Variants in HECW1 observed in about 807,000 individuals in gnomAD.
HECW1 encodes HECT, C2 and WW domain containing E3 ubiquitin protein ligase 1, also known as E3 ubiquitin-protein ligase HECW1.
In HECW1, 61 loss-of-function variants were observed where a neutral mutation model predicts 182.3. The ratio of observed to expected loss-of-function variants is 0.33; its 90% CI spans 0.27 to 0.41. The LOEUF (loss-of-function observed/expected upper bound fraction) is 0.41, where lower values mean the gene tolerates loss of function less well. Among genes scored for constraint, HECW1 ranks in the 10% least tolerant of loss-of-function variants. The pLI is 1.00. For missense variants in HECW1, 1,739 were observed against 2,108.9 expected, an observed-to-expected ratio of 0.82 and a Z score of 3.44; for synonymous variants, 859 against 832.6, an observed-to-expected ratio of 1.03 and a Z score of -0.55.
chr7:43,180,129 C>A (rs1792677527), intron 2 of HECW1, among the ~76,000 whole-genome samples: 1 of 139,516 alleles, frequency 7.2e-6, no homozygotes, highest in Non-Finnish European at 1.6e-5. Context: ...ATGCACTTTG[C>A]AGAGCCTAAA....
intron 2 of HECW1, among the ~76,000 whole-genome samples, chr7:43,158,668 C>G (rs1035127870): frequency 1.3e-5 from 2 of 152,162 alleles, no homozygotes; most frequent in African/African-American, 4.8e-5. Context: ...CCCTCCAATC[C>G]CATCCCCTCC....
intron 8 of HECW1, among the ~76,000 whole-genome samples, chr7:43,417,993 T>G (rs1280115709): frequency 2.0e-5 from 3 of 152,194 alleles, no homozygotes; most frequent in Non-Finnish European, 4.4e-5. Flanking sequence ...AATGAAGGTG[T>G]GGGCAGAGTT....
intron 4 of HECW1, among the ~76,000 whole-genome samples, chr7:43,315,288 A>C (rs1809065169): frequency 1.3e-5 from 2 of 152,112 alleles, no homozygotes; most frequent in Non-Finnish European, 2.9e-5. Flanking sequence ...GTGTCCAAAG[A>C]AACAATATGA....
At chr7:43,354,153 TTACAAA>T (rs1158365074) in intron 5 of HECW1, among the ~76,000 whole-genome samples, 6 of 145,886 alleles carry the variant, frequency 4.1e-5, no homozygotes, top group Non-Finnish European at 9.0e-5. Context: ...AACAGGTAAA[TTACAAA>T]GAATCTCTAC....
intron 7 of HECW1, among the ~76,000 whole-genome samples, chr7:43,402,640 T>G (rs2075466584): frequency 6.6e-6 from 1 of 152,094 alleles, no homozygotes; most frequent in Non-Finnish European, 1.5e-5. Context: ...CCAAGAAAAC[T>G]CGAGAATTGG....
chr7:43,178,263 C>T (rs1350988532), intron 2 of HECW1, among the ~76,000 whole-genome samples: 2 of 152,158 alleles, frequency 1.3e-5, no homozygotes, highest in Non-Finnish European at 2.9e-5. Context: ...GTCTTGGCCT[C>T]CCAAAGTACT....
chr7:43,212,752 C>T (rs1170076513), intron 2 of HECW1, among the ~76,000 whole-genome samples: 1 of 152,154 alleles, frequency 6.6e-6, no homozygotes, highest in Non-Finnish European at 1.5e-5. Flanking sequence ...TTACAAATTG[C>T]ATCTTTTACT....
intron 3 of HECW1, among the ~76,000 whole-genome samples, chr7:43,247,865 GAAGA>G (rs1799562963): frequency 9.1e-6 from 1 of 110,174 alleles, no homozygotes; most frequent in Non-Finnish European, 1.7e-5. Flanking sequence ...AGGAAAGAAA[GAAGA>G]AAGCAAGCAA....
chr7:43,266,419 T>C (rs892069420), intron 3 of HECW1, among the ~76,000 whole-genome samples: 2 of 152,208 alleles, frequency 1.3e-5, no homozygotes, highest in Non-Finnish European at 2.9e-5. Context: ...CACTGCGTCC[T>C]CCGCCTCCCG....
intron 21 of HECW1, among the ~76,000 whole-genome samples, chr7:43,505,251 G>A (rs953399158): frequency 1.3e-5 from 2 of 152,170 alleles, no homozygotes; most frequent in Non-Finnish European, 2.9e-5. Context: ...ACCGCAGGGT[G>A]TTCAGTTACA....
chr7:43,176,842 G>A (rs1321408237), intron 2 of HECW1, among the ~76,000 whole-genome samples: 1 of 152,092 alleles, frequency 6.6e-6, no homozygotes, highest in African/African-American at 2.4e-5. Context: ...TTTCTCTAGG[G>A]ACTGGGGGCC....
intron 17 of HECW1, among the ~76,000 whole-genome samples, chr7:43,489,536 G>A (rs1448354237): frequency 6.6e-6 from 1 of 152,232 alleles, no homozygotes; most frequent in Non-Finnish European, 1.5e-5. Context: ...TGCCAGCTGA[G>A]CAGAGCTGAG....
intron 3 of HECW1, among the ~76,000 whole-genome samples, chr7:43,251,152 G>A (rs1799985042): frequency 6.6e-6 from 1 of 152,190 alleles, no homozygotes; most frequent in South Asian, 2.1e-4. Flanking sequence ...AGGGCTGCAA[G>A]GGGTGGTGAA....
intron 5 of HECW1, among the ~76,000 whole-genome samples, chr7:43,326,366 A>T (rs1333490416): frequency 6.6e-6 from 1 of 152,238 alleles, no homozygotes; most frequent in Admixed American, 6.5e-5. Flanking sequence ...GGCTTCAGCC[A>T]GTGGCTTCTA....
chr7:43,325,940 A>G lies in HECW1; in HGVS notation c.460+5198A>G, dbSNP rs541971701. Among the ~76,000 whole-genome samples, 8 of 152,336 alleles carry G rather than the reference A, an allele frequency of 5.3e-5. No individual in the cohort carries two copies. The East Asian group carries it at 1.5e-3, about 29-fold the overall frequency. On this transcript the variant is annotated intron_variant, in intron 5 of 29. Coordinates refer to ENST00000395891, the MANE Select transcript of HECW1 (RefSeq NM_015052.5). ...TTTTAAAATCCTTTTCCATCATGCC[A>G]TCTGTCTCAGTCCGTTGAGGCTGTT...
At chr7:43,362,096 A>G (rs1816012902) in intron 6 of HECW1, among the ~76,000 whole-genome samples, 1 of 137,718 alleles carries the variant, frequency 7.3e-6, no homozygotes, top group South Asian at 2.3e-4. Flanking sequence ...GCACCACTGC[A>G]CTCCAGCCTG....
chr7:43,367,121 A>G (rs1283197329), intron 6 of HECW1, among the ~76,000 whole-genome samples: 1 of 152,226 alleles, frequency 6.6e-6, no homozygotes, highest in African/African-American at 2.4e-5. Flanking sequence ...GGTTCATGGC[A>G]CTATAGCCAT....
Position 43,444,201 on chromosome 7 carries a change from T to A in HECW1, c.1046-17T>A. 6.3e-6 allele frequency: 10 copies of A among 1,584,204 alleles called. No homozygotes were observed. Among genetic ancestry groups the A allele is most frequent in the Non-Finnish European group, 8.6e-6 (10 of 1,162,714 alleles). On this transcript the variant is annotated splice_polypyrimidine_tract_variant and intron_variant, in intron 10 of 29. Transcript: ENST00000395891. The surrounding 1 kb of genome is among the most constrained non-coding windows in gnomAD (Gnocchi z 4.3). ...TCTCTTCTGGGAGAAATGACATATT[T>A]TTCTTCTTACCAGCAGATGATGAGG... is the stretch of plus-strand genomic sequence containing the variant.
chr7:43,483,623 A>G (rs1389872391), intron 17 of HECW1, among the ~76,000 whole-genome samples: 2 of 140,862 alleles, frequency 1.4e-5, no homozygotes, highest in Non-Finnish European at 3.0e-5. Flanking sequence ...ATCTCGGCTC[A>G]CTGCAACCTC....
Sources: allele counts gnomAD v4.1 joint callset (sites outside exome capture counted in the v4.1 genomes callset), GRCh38; gene constraint gnomAD v4.1.1; non-coding constraint Gnocchi (gnomAD v3.1); transcripts MANE v1.5; gene names NCBI Gene and HGNC (gene_info 2026-07-23, HGNC 2026-07-21).